Variants in ALDH1L2 observed in about 807,000 individuals in gnomAD.
The protein encoded by ALDH1L2 is mitochondrial 10-formyltetrahydrofolate dehydrogenase.
In ALDH1L2, 91 loss-of-function variants were observed where a neutral mutation model predicts 111.0. That is an observed-to-expected ratio of 0.82 (90% confidence interval 0.69 to 0.98). The LOEUF is 0.98. Among genes scored for constraint, ALDH1L2 ranks in the 50% least tolerant of loss-of-function variants. ALDH1L2 has a pLI of 0.00. For missense variants in ALDH1L2, 995 were observed against 1,126.8 expected, an observed-to-expected ratio of 0.88 and a Z score of 1.67; for synonymous variants, 374 against 392.6, an observed-to-expected ratio of 0.95 and a Z score of 0.56.
intron 18 of ALDH1L2, 94 bp from the exon 19 acceptor site, chr12:105,034,492 G>T: frequency 1.9e-6 from 2 of 1,068,524 alleles, no homozygotes; most frequent in Non-Finnish European, 2.7e-6. Flanking sequence ...GTTTTTGGAA[G>T]ACAGCAGGCA....
In ALDH1L2 at chr12:105,066,674, G is replaced by A. The variant is rs761010875; in HGVS notation, c.595-5C>T. 8.7e-6 allele frequency: 14 copies of A among 1,612,820 alleles called. No homozygotes were observed. The South Asian group carries it at 9.9e-5, about 11-fold the overall frequency. On this transcript the variant is annotated splice_polypyrimidine_tract_variant and splice_region_variant and intron_variant, in intron 4 of 22. Coordinates refer to ENST00000258494, the MANE Select transcript of ALDH1L2 (RefSeq NM_001034173.4). ...TATGAGTTGGACAGCTTCTACCTAA[G>A]GCCAAAGACATCACCTGTGTTACAG... is the stretch of plus-strand genomic sequence containing the variant.
chr12:105,082,002 T>TG (rs1244969759), intron 1 of ALDH1L2, among the ~76,000 whole-genome samples: 1 of 152,200 alleles, frequency 6.6e-6, no homozygotes, highest in African/African-American at 2.4e-5. Flanking sequence ...AAGACCAGCC[T>TG]GGCCAACATG....
chr12:105,081,067 C>T lies in ALDH1L2; in HGVS notation c.48+3322G>A, dbSNP rs146630603. Reference sequence around the variant, plus strand: ...TGTATTCATTATTATAAGTTATCTACGGATGATTTAAAGTATACAGGAGAA... The same window carrying T: ...TGTATTCATTATTATAAGTTATCTATGGATGATTTAAAGTATACAGGAGAA... On this transcript the variant is annotated intron_variant, in intron 1 of 22. Transcript: ENST00000258494. 3.0e-3 allele frequency among the ~76,000 whole-genome samples: 456 copies of T among 152,186 alleles called. 7 individuals carry two copies. The highest frequency in any genetic ancestry group is 9.3e-3 in the African/African-American group (386 of 41,514).
intron 16 of ALDH1L2, among the ~76,000 whole-genome samples, chr12:105,040,315 G>GGTAAGCCTTGATTTTTATCTTCCAGA (rs1229318672): frequency 1.2e-4 from 18 of 151,860 alleles, no homozygotes; most frequent in African/African-American, 4.1e-4. Context: ...AATAATGATG[G>GGTAAGCCTTGATTTTTATCTTCCAGA]GTAAGCCTTG....
chr12:105,052,241 G>A, intron 11 of ALDH1L2, 24 bp from the exon 12 acceptor site: 1 of 1,554,092 alleles, frequency 6.4e-7, no homozygotes, highest in Admixed American at 2.1e-5. Context: ...AGTAAAAATA[G>A]GCCCCATGAG....
intron 20 of ALDH1L2, 35 bp downstream of exon 20, chr12:105,031,734 G>A (rs763697626): frequency 5.6e-6 from 9 of 1,598,674 alleles, no homozygotes; most frequent in African/African-American, 2.7e-5. Context: ...TGAAGAAGGC[G>A]GGCACCCGGT....
intron 19 of ALDH1L2, among the ~76,000 whole-genome samples, chr12:105,032,343 A>G (rs1019543492): frequency 2.8e-4 from 43 of 151,612 alleles, no homozygotes; most frequent in African/African-American, 9.2e-4. Flanking sequence ...GCGTCCGGCT[A>G]TTCTCATGTC....
At chr12:105,082,947 C>T (rs563279379) in intron 1 of ALDH1L2, among the ~76,000 whole-genome samples, 1 of 151,814 alleles carries the variant, frequency 6.6e-6, no homozygotes, top group African/African-American at 2.4e-5. Flanking sequence ...AGGAAACTGT[C>T]TTCTTCCCAG....
intron 13 of ALDH1L2, 77 bp from the exon 14 acceptor site, chr12:105,047,046 T>C (rs1363042678): frequency 1.3e-6 from 2 of 1,489,590 alleles, no homozygotes; most frequent in East Asian, 2.3e-5. Flanking sequence ...CCATTTTCTG[T>C]CTTCCTCTCT....
At position 105,037,119 on chromosome 12, in the gene ALDH1L2, C is replaced by T. The variant is rs536498120; in HGVS notation, c.2145+984G>A. On this transcript the variant is annotated intron_variant, in intron 18 of 22. Transcript: ENST00000258494. The stretch of plus-strand genomic sequence containing the variant: ...GAACTGAGAAGACCATAAGTTTCCC[C>T]CACAATTACAAGAAAGCTTAGCACA... Among the ~76,000 whole-genome samples the T allele has an allele frequency of 5.9e-5, 9 of 152,266 alleles. No individual in the cohort carries two copies. In the East Asian group the frequency reaches 1.3e-3, roughly 23 times the overall value.
intron 10 of ALDH1L2, among the ~76,000 whole-genome samples, chr12:105,054,997 G>C (rs1378214150): frequency 6.6e-6 from 1 of 152,150 alleles, no homozygotes; most frequent in African/African-American, 2.4e-5. Context: ...AAAAACAAGA[G>C]GAATAACTGG....
At chr12:105,065,677 T>C (rs1204847642) in intron 5 of ALDH1L2, among the ~76,000 whole-genome samples, 2 of 152,066 alleles carry the variant, frequency 1.3e-5, no homozygotes, top group African/African-American at 4.8e-5. Flanking sequence ...TTGAACTTTT[T>C]TTTGAAGTTC....
At position 105,024,187 on chromosome 12, in the gene ALDH1L2, A is replaced by G. The variant is rs1420193280; in HGVS notation, c.*237T>C. On this transcript the variant is annotated 3_prime_UTR_variant, in exon 23 of 23. Coordinates refer to ENST00000258494, the MANE Select transcript of ALDH1L2 (RefSeq NM_001034173.4). ...GGAGAAACAGCTTGGTATTTTAGAA[A>G]TACGTATGATATACAACATAGTCAA... The G allele has an allele frequency of 8.8e-6, 5 of 569,354 alleles. No homozygotes were observed. Among genetic ancestry groups the G allele is most frequent in the Non-Finnish European group, 1.6e-5 (5 of 319,910 alleles). The allele number at this position is 569,354 out of a possible 1,614,324, so 35.3% of individuals were successfully genotyped here.
At chr12:105,046,215 A>ATTTATT (rs1726734020) in intron 15 of ALDH1L2, among the ~76,000 whole-genome samples, 1 of 37,710 alleles carries the variant, frequency 2.7e-5, no homozygotes, top group African/African-American at 1.2e-4. Context: ...ATATATATAT[A>ATTTATT]TATATATTTT....
intron 6 of ALDH1L2, among the ~76,000 whole-genome samples, chr12:105,063,979 T>TG (rs1049935424): frequency 7.3e-5 from 11 of 150,906 alleles, no homozygotes; most frequent in African/African-American, 2.7e-4. Context: ...TTTTTTTTTT[T>TG]TTTTGAGACA....
chr12:105,037,953 G>T, intron 18 of ALDH1L2, 150 bp downstream of exon 18: 1 of 537,130 alleles, frequency 1.9e-6, no homozygotes, highest in Non-Finnish European at 3.3e-6. Context: ...TTTTACTAGA[G>T]ACGGGGTTTC....
chr12:105,079,572 G>A (rs933723339), intron 1 of ALDH1L2, among the ~76,000 whole-genome samples: 1 of 152,170 alleles, frequency 6.6e-6, no homozygotes, highest in Admixed American at 6.5e-5. Flanking sequence ...AAGACTTTGA[G>A]TAAAGGGAGA....
rs746328388 is a variant in ALDH1L2, at chr12:105,058,126, C to A, written c.1234G>T (p.Val412Phe). 1 of 1,613,662 alleles carries A rather than the reference C, an allele frequency of 6.2e-7. No homozygotes were observed. The highest frequency in any genetic ancestry group is 8.5e-7 in the Non-Finnish European group (1 of 1,179,848). The change falls in exon 10 of 23, where the codon GTC (valine) becomes TTC (phenylalanine). Residue 412 changes from valine to phenylalanine, a missense_variant. Physicochemically the swap from Val to Phe is conservative, Grantham distance 50. Transcript: ENST00000258494. ...ATKFEGFIQK[V>F]VRKLRGEDQE... ...TCTTCTCCTCTCAGTTTCCTCACGA[C>A]CTTTTGGATAAAGCCTTCAAACTTG... is the stretch of plus-strand genomic sequence containing the variant.
At chr12:105,026,491 T>C (rs886526336) in intron 22 of ALDH1L2, 54 bp downstream of exon 22, 4 of 1,599,254 alleles carry the variant, frequency 2.5e-6, no homozygotes, top group East Asian at 2.2e-5. Flanking sequence ...ATAGAGCAGA[T>C]TTTTCTGTGA....
Sources: allele counts gnomAD v4.1 joint callset (sites outside exome capture counted in the v4.1 genomes callset), GRCh38; gene constraint gnomAD v4.1.1; transcripts MANE v1.5; gene names NCBI Gene and HGNC (gene_info 2026-07-23, HGNC 2026-07-21).